Variants in KLF12 observed in about 807,000 individuals in gnomAD.
KLF12 encodes KLF transcription factor 12.
In KLF12, 9 loss-of-function variants were observed where a neutral mutation model predicts 37.8. That is an observed-to-expected ratio of 0.24 (90% confidence interval 0.14 to 0.42). The LOEUF (loss-of-function observed/expected upper bound fraction) is 0.42. Ranked by LOEUF, KLF12 falls within the 10% of genes least tolerant of loss-of-function variation. The pLI, the probability that KLF12 is intolerant of heterozygous loss-of-function variation, is 1.00. For synonymous variants in KLF12, 208 were observed against 202.1 expected (o/e 1.03, Z -0.25); for missense variants, 411 against 516.0 (o/e 0.80, Z 1.97).
At chr13:73,864,797 G>A (rs550111236) in intron 3 of KLF12, among the ~76,000 whole-genome samples, 1 of 152,024 alleles carries the variant, frequency 6.6e-6, no homozygotes, top group Admixed American at 6.5e-5. Context: ...GTAGAATGAA[G>A]GAATATATAT....
At chr13:73,707,499 CT>C (rs1473203219) in intron 7 of KLF12, among the ~76,000 whole-genome samples, 1 of 152,154 alleles carries the variant, frequency 6.6e-6, no homozygotes, top group Non-Finnish European at 1.5e-5. Flanking sequence ...TTACAAACAA[CT>C]TACGGGGAGA....
intron 5 of KLF12, among the ~76,000 whole-genome samples, chr13:73,792,039 A>G (rs1347384929): frequency 6.6e-6 from 1 of 152,248 alleles, no homozygotes; most frequent in African/African-American, 2.4e-5. Context: ...ATACATAGTC[A>G]TATAGACACA....
the KLF12 span, among the ~76,000 whole-genome samples, chr13:74,216,636 A>C: frequency 6.6e-6 from 1 of 152,234 alleles, no homozygotes; most frequent in African/African-American, 2.4e-5. Flanking sequence ...ATATATGAAA[A>C]GGAGTGACTG....
At chr13:74,235,054 G>C in the KLF12 span, among the ~76,000 whole-genome samples, 1 of 152,158 alleles carries the variant, frequency 6.6e-6, no homozygotes, top group African/African-American at 2.4e-5. Flanking sequence ...AATGGACTCA[G>C]TGGTCACTTG....
chr13:74,069,690 A>G (rs1874115278), intron 1 of KLF12, among the ~76,000 whole-genome samples: 1 of 152,258 alleles, frequency 6.6e-6, no homozygotes, highest in African/African-American at 2.4e-5. Context: ...CACAGGTAAC[A>G]GAGGCAGAAA....
At chr13:74,098,591 G>C (rs552395141) in intron 1 of KLF12, among the ~76,000 whole-genome samples, 278 of 152,216 alleles carry the variant, frequency 1.8e-3, no homozygotes, top group Non-Finnish European at 3.4e-3. Flanking sequence ...ATACCCTAGA[G>C]CCCTAGAGAT....
At chr13:74,192,282 A>C in the KLF12 span, among the ~76,000 whole-genome samples, 2 of 152,210 alleles carry the variant, frequency 1.3e-5, no homozygotes, top group Non-Finnish European at 2.9e-5. Context: ...ATTCCAGTTC[A>C]ATTCCTTTTG....
At chr13:74,098,242 A>G (rs1217214978) in intron 1 of KLF12, among the ~76,000 whole-genome samples, 1 of 152,222 alleles carries the variant, frequency 6.6e-6, no homozygotes, top group African/African-American at 2.4e-5. Flanking sequence ...CATTGAGGTG[A>G]GAACATTGCA....
At chr13:73,968,947 C>G (rs1035296684) in intron 2 of KLF12, among the ~76,000 whole-genome samples, 1 of 151,826 alleles carries the variant, frequency 6.6e-6, no homozygotes, top group Non-Finnish European at 1.5e-5. Flanking sequence ...CTATCATAAC[C>G]TCCGTTTGGA....
At chr13:74,170,296 T>C in the KLF12 span, among the ~76,000 whole-genome samples, 1 of 152,244 alleles carries the variant, frequency 6.6e-6, no homozygotes. Flanking sequence ...GAAATATATT[T>C]AATTAATATT....
At chr13:73,964,006 C>A (rs750128774) in intron 2 of KLF12, among the ~76,000 whole-genome samples, 26 of 152,254 alleles carry the variant, frequency 1.7e-4, no homozygotes, top group Non-Finnish European at 3.1e-4. Context: ...CTCTGAGGTT[C>A]AACTCATGCG....
chr13:74,176,212 A>G, the KLF12 span, among the ~76,000 whole-genome samples: 2 of 152,122 alleles, frequency 1.3e-5, no homozygotes, highest in South Asian at 4.1e-4. Flanking sequence ...GGGGGAGAGA[A>G]TCCCCAGTGC....
At chr13:74,177,390 G>A in the KLF12 span, among the ~76,000 whole-genome samples, 1 of 152,118 alleles carries the variant, frequency 6.6e-6, no homozygotes, top group Non-Finnish European at 1.5e-5. Context: ...GCCTATTTTT[G>A]CCAGCCCTGC....
At chr13:74,295,506 T>C in the KLF12 span, among the ~76,000 whole-genome samples, 1 of 152,194 alleles carries the variant, frequency 6.6e-6, no homozygotes, top group South Asian at 2.1e-4. Context: ...ACTGTGATTA[T>C]GCCTCTTTCA....
intron 1 of KLF12, among the ~76,000 whole-genome samples, chr13:74,079,884 T>C (rs1874777106): frequency 6.6e-6 from 1 of 152,208 alleles, no homozygotes; most frequent in African/African-American, 2.4e-5. Context: ...TCTGGATATA[T>C]ATCTGAAAGG....
chr13:74,255,020 A>G, the KLF12 span, among the ~76,000 whole-genome samples: 1 of 152,184 alleles, frequency 6.6e-6, no homozygotes, highest in Admixed American at 6.5e-5. Context: ...AATGTTGGAG[A>G]AAAGATTGGT....
chr13:73,816,781 TG>T (rs1029323509), intron 4 of KLF12, among the ~76,000 whole-genome samples: 4 of 152,198 alleles, frequency 2.6e-5, no homozygotes, highest in African/African-American at 9.6e-5. Context: ...CCTTTTCCCT[TG>T]CTCTTTTTAG....
At chr13:73,983,548 A>G (rs1348769254) in intron 2 of KLF12, among the ~76,000 whole-genome samples, 1 of 152,210 alleles carries the variant, frequency 6.6e-6, no homozygotes, top group Non-Finnish European at 1.5e-5. Flanking sequence ...TATTCTGCAT[A>G]CAAACTATTG....
At position 74,057,114 on chromosome 13, in the gene KLF12, A is replaced by G. The variant is rs191177570; in HGVS notation, c.-31-62061T>C. Among the ~76,000 whole-genome samples, 18 of 152,348 alleles carry G rather than the reference A, an allele frequency of 1.2e-4. 1 individual carries two copies. The East Asian group carries it at 3.3e-3, about 28-fold the overall frequency. On this transcript the variant is annotated intron_variant, in intron 1 of 7. Transcript: ENST00000377669. ...TGAATCCTGAAGAGGCACTTTTAAAAAACATGGTCTAATATTCGATTTCAG... is the reference window on the plus strand; with the variant it reads ...TGAATCCTGAAGAGGCACTTTTAAAGAACATGGTCTAATATTCGATTTCAG...
Sources: allele counts gnomAD v4.1 joint callset (sites outside exome capture counted in the v4.1 genomes callset), GRCh38; gene constraint gnomAD v4.1.1; transcripts MANE v1.5; gene names NCBI Gene and HGNC (gene_info 2026-07-23, HGNC 2026-07-21).